The following ALKBH3 variants were observed in gnomAD, a reference collection of about 807,000 sequenced individuals.
ALKBH3 encodes alkB homolog 3, alpha-ketoglutarate dependent dioxygenase.
In ALKBH3, 51 loss-of-function variants were observed where a neutral mutation model predicts 43.9. That is an observed-to-expected ratio of 1.16 (90% CI 0.93 to 1.47). The LOEUF (loss-of-function observed/expected upper bound fraction) is 1.47. ALKBH3 is among the 40% of genes most tolerant of loss of function. ALKBH3 has a pLI of 0.00. For synonymous variants in ALKBH3, 102 were observed against 115.2 expected (o/e 0.89, Z 0.73); for missense variants, 361 against 351.9 (o/e 1.03, Z -0.21).
chr11:43,887,379 C>T (rs1951753586), intron 5 of ALKBH3, among the ~76,000 whole-genome samples: 1 of 152,166 alleles, frequency 6.6e-6, no homozygotes, highest in Non-Finnish European at 1.5e-5. Flanking sequence ...GCTATCTTGG[C>T]TCACTGTAAC....
At chr11:43,892,176 A>C in intron 7 of ALKBH3, 47 bp downstream of exon 7, 1 of 1,472,732 alleles carries the variant, frequency 6.8e-7, no homozygotes, top group East Asian at 2.3e-5. Context: ...ACTATATACT[A>C]TGTGTTGAGT....
intron 5 of ALKBH3, among the ~76,000 whole-genome samples, chr11:43,886,989 A>C (rs1191060432): frequency 1.3e-5 from 2 of 152,158 alleles, no homozygotes; most frequent in Admixed American, 6.5e-5. Flanking sequence ...GGAACAGGAA[A>C]AATAACTAAT....
rs749914379 is a variant in ALKBH3 at position 43,892,033 on chromosome 11, T to C, written c.371-8T>C. On this transcript the variant is annotated splice_polypyrimidine_tract_variant and splice_region_variant and intron_variant, in intron 6 of 9. Transcript: ENST00000302708. ...AACCATTTCAAAGGCCTGTATTTTC[T>C]TTCTTAGATATAACTTATCAGCAAC... is the stretch of plus-strand genomic sequence containing the variant. The C allele has an allele frequency of 1.4e-5, 22 of 1,605,242 alleles. No homozygotes were observed. Among genetic ancestry groups the C allele is most frequent in the Middle Eastern group, 1.6e-4 (1 of 6,068 alleles).
At chr11:43,904,192 A>G (rs1951881258) in intron 8 of ALKBH3, among the ~76,000 whole-genome samples, 2 of 152,252 alleles carry the variant, frequency 1.3e-5, no homozygotes, top group Non-Finnish European at 2.9e-5. Flanking sequence ...ATTGTCTGCC[A>G]GTGGCAAGGG....
intron 8 of ALKBH3, chr11:43,912,468 A>G (rs1951947571): frequency 6.6e-6 from 1 of 152,236 alleles, no homozygotes; most frequent in Non-Finnish European, 1.5e-5. Context: ...ACTGTGTGCC[A>G]GGTGCTTCCT....
At position 43,901,588 on chromosome 11, in the gene ALKBH3, T is replaced by C. The variant is rs1343257544; in HGVS notation, c.532T>C (p.Cys178Arg). 6.2e-7 allele frequency: 1 copy of C among 1,614,244 alleles called. No homozygotes were observed. Residue 178 changes from cysteine (C) to arginine (R), a missense_variant, in exon 8 of 10, where the codon TGC becomes CGC. Cys to Arg is a radical substitution (Grantham distance 180, BLOSUM62 -3). Transcript: ENST00000302708. The stretch of plus-strand genomic sequence containing the variant: ...TGGCCACACCTTCAACTCCTTACTC[T>C]GCAATCTTTATCGCAATGAGAAGGA... ...NTGHTFNSLL[C>R]NLYRNEKDSV... is the part of the protein sequence containing the mutation.
chr11:43,884,374 T>G (rs968144476), intron 4 of ALKBH3, among the ~76,000 whole-genome samples: 1 of 92,678 alleles, frequency 1.1e-5, no homozygotes, highest in Admixed American at 1.5e-4. Flanking sequence ...ATTAATTGCC[T>G]CTTTTTTTTT....
At chr11:43,892,768 GAA>G (rs1364610493) in intron 7 of ALKBH3, among the ~76,000 whole-genome samples, 9 of 152,336 alleles carry the variant, frequency 5.9e-5, no homozygotes, top group African/African-American at 2.2e-4. Context: ...ATGTTTTATT[GAA>G]AGAGACTTTG....
intron 8 of ALKBH3, among the ~76,000 whole-genome samples, chr11:43,908,082 T>TA (rs1463764536): frequency 2.0e-5 from 3 of 152,138 alleles, no homozygotes; most frequent in Non-Finnish European, 2.9e-5. Flanking sequence ...TTGAAAGTGT[T>TA]ATTGAGGAGT....
intron 8 of ALKBH3, among the ~76,000 whole-genome samples, chr11:43,908,528 C>G (rs34764713): frequency 2.1e-4 from 32 of 151,958 alleles, no homozygotes; most frequent in African/African-American, 7.5e-4. Context: ...GAGATAGAAG[C>G]TCTTTCAAGA....
chr11:43,899,089 T>G, intron 7 of ALKBH3: 1 of 755,328 alleles, frequency 1.3e-6, no homozygotes. Flanking sequence ...AATTTTGACA[T>G]GTACAAAGGG....
At chr11:43,884,895 G>A (rs565316628) in intron 4 of ALKBH3, among the ~76,000 whole-genome samples, 2 of 152,148 alleles carry the variant, frequency 1.3e-5, no homozygotes, top group African/African-American at 4.8e-5. Flanking sequence ...GGGACCACAG[G>A]CACACACCAC....
intron 8 of ALKBH3, among the ~76,000 whole-genome samples, chr11:43,911,475 A>C (rs187139529): frequency 2.0e-5 from 3 of 152,320 alleles, no homozygotes; most frequent in Admixed American, 6.5e-5. Flanking sequence ...CCAAATGTTA[A>C]GTAGGCAGTC....
At chr11:43,900,997 T>C in intron 7 of ALKBH3, among the ~76,000 whole-genome samples, 1 of 152,204 alleles carries the variant, frequency 6.6e-6, no homozygotes, top group East Asian at 1.9e-4. Context: ...ACTCTGGAAA[T>C]ATTAAAGATC....
intron 7 of ALKBH3, chr11:43,899,419 G>T: frequency 1.4e-6 from 1 of 709,574 alleles, no homozygotes; most frequent in South Asian, 1.4e-5. Flanking sequence ...ACTGTAAAGT[G>T]ATGTACTACG....
At chr11:43,881,956 C>T (rs1951714592) in intron 1 of ALKBH3, among the ~76,000 whole-genome samples, 2 of 152,168 alleles carry the variant, frequency 1.3e-5, no homozygotes, top group South Asian at 2.1e-4. Context: ...TGGATTTATC[C>T]GTTAGCTGGA....
intron 5 of ALKBH3, among the ~76,000 whole-genome samples, chr11:43,887,955 ATT>A (rs531812486): frequency 7.8e-5 from 11 of 141,876 alleles, no homozygotes; most frequent in African/African-American, 2.3e-4. Flanking sequence ...TGCCCAGCTA[ATT>A]TTTTTTTTTT....
chr11:43,899,133 T>C (rs1951842097), intron 7 of ALKBH3: 1 of 770,020 alleles, frequency 1.3e-6, no homozygotes, highest in Non-Finnish European at 2.4e-6. Context: ...CTCCAAGAGG[T>C]CGCCACAGCC....
At chr11:43,900,871 C>G (rs1319782795) in intron 7 of ALKBH3, among the ~76,000 whole-genome samples, 1 of 152,128 alleles carries the variant, frequency 6.6e-6, no homozygotes, top group East Asian at 1.9e-4. Context: ...GGCCGTGGAA[C>G]CTGTTTAAGT....
Sources: allele counts gnomAD v4.1 joint callset (sites outside exome capture counted in the v4.1 genomes callset), GRCh38; gene constraint gnomAD v4.1.1; transcripts MANE v1.5; gene names NCBI Gene and HGNC (gene_info 2026-07-23, HGNC 2026-07-21).